The following KLHL1 variants were observed in gnomAD, a reference collection of about 807,000 sequenced individuals.
KLHL1 encodes the protein kelch-like protein 1.
In KLHL1, 47 loss-of-function variants were observed where a neutral mutation model predicts 77.7. That is an observed-to-expected ratio of 0.60 (90% CI 0.48 to 0.77). KLHL1 has a LOEUF of 0.77. Among genes scored for constraint, KLHL1 ranks in the 30% least tolerant of loss-of-function variants. The probability of loss-of-function intolerance (pLI) is 0.00; values close to 1 mark genes in which losing one functional copy is unlikely to be tolerated. For synonymous variants in KLHL1, 360 were observed against 325.2 expected, an observed-to-expected ratio of 1.11 and a Z score of -1.15; for missense variants, 925 against 910.8, an observed-to-expected ratio of 1.02 and a Z score of -0.20.
chr13:70,055,709 T>G (rs1232421432), intron 1 of KLHL1, among the ~76,000 whole-genome samples: 1 of 152,108 alleles, frequency 6.6e-6, no homozygotes, highest in Admixed American at 6.6e-5. Flanking sequence ...AGTTTTCTCT[T>G]TGTTAATTGG....
chr13:69,786,799 T>G (rs1334244061), intron 7 of KLHL1, among the ~76,000 whole-genome samples: 1 of 152,182 alleles, frequency 6.6e-6, no homozygotes, highest in Non-Finnish European at 1.5e-5. Flanking sequence ...GATAAGCAAC[T>G]TCAGCAAAGT....
At chr13:70,082,442 T>A (rs1400966378) in intron 1 of KLHL1, among the ~76,000 whole-genome samples, 1 of 150,882 alleles carries the variant, frequency 6.6e-6, no homozygotes, top group East Asian at 2.0e-4. Context: ...GGGAAAGGGA[T>A]CAAAATTAGG....
Position 69,809,970 on chromosome 13 carries a change from G to T in KLHL1, c.1415-13008C>A, listed in dbSNP as rs575916353. Among the ~76,000 whole-genome samples, 3 of 151,998 alleles carry T rather than the reference G, an allele frequency of 2.0e-5. No homozygotes were observed. The South Asian group carries it at 6.2e-4, about 32-fold the overall frequency. On this transcript the variant is annotated intron_variant, in intron 6 of 10. Coordinates refer to ENST00000377844, the MANE Select transcript of KLHL1 (RefSeq NM_020866.3). ...TGAAGGGCATTAGATAATGATAAAGGGTTCAATTTAAGGAGAAGACTCAAC... is the reference window on the plus strand; with the variant it reads ...TGAAGGGCATTAGATAATGATAAAGTGTTCAATTTAAGGAGAAGACTCAAC...
chr13:70,053,135 T>C (rs1000708377), intron 1 of KLHL1, among the ~76,000 whole-genome samples: 2 of 152,044 alleles, frequency 1.3e-5, no homozygotes, highest in Admixed American at 6.6e-5. Context: ...AATTTAAGTG[T>C]AGTCTTAAAA....
chr13:70,064,535 A>G (rs1886962239), intron 1 of KLHL1, among the ~76,000 whole-genome samples: 1 of 152,162 alleles, frequency 6.6e-6, no homozygotes, highest in South Asian at 2.1e-4. Flanking sequence ...TCCTTCACCT[A>G]TTGTGATAAA....
intron 2 of KLHL1, among the ~76,000 whole-genome samples, chr13:69,975,089 A>G (rs1884503947): frequency 4.6e-5 from 7 of 152,082 alleles, no homozygotes; most frequent in Admixed American, 4.6e-4. Context: ...GAATAAAACT[A>G]TTAGCTTTCA....
At chr13:69,990,682 T>G (rs1309110732) in intron 1 of KLHL1, among the ~76,000 whole-genome samples, 2 of 151,332 alleles carry the variant, frequency 1.3e-5, no homozygotes, top group Non-Finnish European at 3.0e-5. Flanking sequence ...GTTATTAGAG[T>G]CTTAGATTCA....
intron 1 of KLHL1, among the ~76,000 whole-genome samples, chr13:70,088,081 A>T (rs1292703160): frequency 1.3e-5 from 2 of 152,122 alleles, no homozygotes; most frequent in Non-Finnish European, 2.9e-5. Flanking sequence ...ACTTAAAATA[A>T]AACAAAAGTA....
chr13:69,702,964 G>A (rs991201902), intron 10 of KLHL1, among the ~76,000 whole-genome samples: 1 of 151,688 alleles, frequency 6.6e-6, no homozygotes, highest in African/African-American at 2.4e-5. Context: ...GAGACAATAT[G>A]TTAATCCCAC....
chr13:70,007,467 T>A (rs1243707010), intron 1 of KLHL1, among the ~76,000 whole-genome samples: 1 of 151,372 alleles, frequency 6.6e-6, no homozygotes, highest in African/African-American at 2.4e-5. Context: ...ACAAGTAAAC[T>A]TATTAAAGTG....
chr13:69,704,109 T>C (rs1235492179), intron 10 of KLHL1, among the ~76,000 whole-genome samples: 1 of 151,688 alleles, frequency 6.6e-6, no homozygotes, highest in African/African-American at 2.4e-5. Flanking sequence ...CTTAACTTTA[T>C]ATCTTCATCT....
chr13:70,046,209 A>G (rs1886491198), intron 1 of KLHL1, among the ~76,000 whole-genome samples: 1 of 151,988 alleles, frequency 6.6e-6, no homozygotes, highest in African/African-American at 2.4e-5. Flanking sequence ...TCACTGGAGC[A>G]TAAGTGTGAG....
rs34074889 is a variant in KLHL1, at chr13:69,939,340, CATATATATATATATATATATATAT to C, written c.1014+676_1014+699del. ...ACACTCATATATATACATATACATA[CATATATATATATATATATATATAT>C]ATATATATATATATACACACACACA... is the stretch of plus-strand genomic sequence containing the variant. On this transcript the variant is annotated intron_variant, in intron 4 of 10. Transcript: ENST00000377844. 3.3e-3 allele frequency among the ~76,000 whole-genome samples: 202 copies of C among 60,848 alleles called. 4 individuals carry two copies. The highest frequency in any genetic ancestry group is 0.021 in the Middle Eastern group (2 of 96). The allele number at this position is 60,848 out of a possible 152,430, so 39.9% of individuals were successfully genotyped here. A position where few individuals can be genotyped will look rare whatever the true frequency, so the allele number is the denominator to read the frequency against.
rs369132531 is a variant in KLHL1, at chr13:70,068,296, G to A, written c.497+38907C>T. On this transcript the variant is annotated intron_variant, in intron 1 of 10. Transcript: ENST00000377844. ...GCGGAGCTTGCAGTGAGCCGAGATC[G>A]CGCCACTGCACTCCAGCCTGGGCGA... 7.9e-4 allele frequency among the ~76,000 whole-genome samples: 120 copies of A among 152,036 alleles called. 1 individual carries two copies. The East Asian group carries it at 0.023, about 29-fold the overall frequency.
chr13:69,886,873 T>G (rs1193213429), intron 4 of KLHL1, among the ~76,000 whole-genome samples: 2 of 152,282 alleles, frequency 1.3e-5, no homozygotes, highest in Middle Eastern at 3.4e-3. Flanking sequence ...AGTAGGAAGA[T>G]AAATCCTTTG....
At chr13:69,885,003 C>G (rs1323453870) in intron 4 of KLHL1, among the ~76,000 whole-genome samples, 1 of 130,290 alleles carries the variant, frequency 7.7e-6, no homozygotes, top group Non-Finnish European at 1.5e-5. Context: ...TGCAGTGGCG[C>G]AATCTCGGCT....
intron 1 of KLHL1, among the ~76,000 whole-genome samples, chr13:70,038,566 T>C (rs1053534993): frequency 3.4e-5 from 5 of 148,460 alleles, no homozygotes; most frequent in Non-Finnish European, 4.5e-5. Context: ...TTGCCAGCAT[T>C]TGGGATTGTC....
At chr13:69,977,567 G>A (rs1228316254) in intron 1 of KLHL1, among the ~76,000 whole-genome samples, 1 of 152,006 alleles carries the variant, frequency 6.6e-6, no homozygotes, top group East Asian at 1.9e-4. Flanking sequence ...GAAATGATGG[G>A]ACAAAAGCCA....
intron 1 of KLHL1, among the ~76,000 whole-genome samples, chr13:70,009,268 C>T (rs918987919): frequency 3.9e-5 from 6 of 152,228 alleles, no homozygotes; most frequent in African/African-American, 1.4e-4. Context: ...TGAAATTTAA[C>T]TCAATTCAGA....
Sources: gnomAD v4.1 joint callset for allele counts (sites outside exome capture counted in the v4.1 genomes callset) on GRCh38, gnomAD v4.1.1 for gene constraint, MANE v1.5 for transcripts, NCBI Gene and HGNC (gene_info 2026-07-23, HGNC 2026-07-21) for gene names.